IPCEF1: variants seen among roughly 807,000 people sequenced by gnomAD.
IPCEF1 encodes the protein interaction protein for cytohesin exchange factors 1.
In IPCEF1, 31 loss-of-function variants were observed where a neutral mutation model predicts 50.9. The observed-to-expected ratio is 0.61, with a 90% CI of 0.46 to 0.82. The LOEUF (loss-of-function observed/expected upper bound fraction) is 0.82. IPCEF1 is among the 40% of genes least tolerant of loss of function. The pLI is 0.00. For synonymous variants in IPCEF1, 181 were observed against 192.0 expected (o/e 0.94, Z 0.47); for missense variants, 458 against 514.0 (o/e 0.89, Z 1.05).
At chr6:154,325,832 C>A (rs1198257832) in intron 1 of IPCEF1, among the ~76,000 whole-genome samples, 1 of 152,094 alleles carries the variant, frequency 6.6e-6, no homozygotes, top group Non-Finnish European at 1.5e-5. Flanking sequence ...TTAGAACAGA[C>A]ACAATAATTG....
At position 154,313,067 on chromosome 6, in the gene IPCEF1, C is replaced by CAAAAAAAAAAAAAAAAAA. The variant is rs71021040; in HGVS notation, c.-61-23329_-61-23312dup. Among the ~76,000 whole-genome samples the CAAAAAAAAAAAAAAAAAA allele has an allele frequency of 6.1e-4, 36 of 59,036 alleles. 6 individuals are homozygous for CAAAAAAAAAAAAAAAAAA. The highest frequency in any genetic ancestry group is 3.1e-3 in the African/African-American group (30 of 9,544). 38.7% of individuals were successfully genotyped at this position (59,036 alleles called of 152,430 possible). A position where few individuals can be genotyped will look rare whatever the true frequency, so the allele number is the denominator to read the frequency against. ...CACTGCAGGCTGTGAGGCCCTGTCT[C>CAAAAAAAAAAAAAAAAAA]AAAAAAAAAAAAAAAAAAACATGGC... is the stretch of plus-strand genomic sequence containing the variant. On this transcript the variant is annotated intron_variant, in intron 1 of 11. Transcript: ENST00000367220.
At chr6:154,232,789 T>C (rs1055755903) in intron 5 of IPCEF1, among the ~76,000 whole-genome samples, 1 of 152,118 alleles carries the variant, frequency 6.6e-6, no homozygotes, top group African/African-American at 2.4e-5. Context: ...TATAACCAGC[T>C]TCTCCAGACT....
intron 10 of IPCEF1, among the ~76,000 whole-genome samples, chr6:154,193,676 C>T (rs1046459528): frequency 6.6e-6 from 1 of 152,206 alleles, no homozygotes; most frequent in Non-Finnish European, 1.5e-5. Flanking sequence ...CCTCTGATAA[C>T]TTTCCAACCC....
intron 9 of IPCEF1, among the ~76,000 whole-genome samples, chr6:154,202,533 T>C (rs927956707): frequency 6.6e-6 from 1 of 152,226 alleles, no homozygotes; most frequent in African/African-American, 2.4e-5. Context: ...TTCTATGTGA[T>C]CAACTTCCTT....
At chr6:154,251,595 C>A (rs1356023454) in intron 3 of IPCEF1, among the ~76,000 whole-genome samples, 1 of 152,132 alleles carries the variant, frequency 6.6e-6, no homozygotes, top group Non-Finnish European at 1.5e-5. Flanking sequence ...TGCCCAAAGT[C>A]ACCAAAGTAA....
At chr6:154,173,297 A>T (rs1407982159) in intron 10 of IPCEF1, among the ~76,000 whole-genome samples, 4 of 152,200 alleles carry the variant, frequency 2.6e-5, no homozygotes, top group African/African-American at 9.7e-5. Flanking sequence ...CAGCAAGGGA[A>T]CAAAACTGGA....
At chr6:154,283,291 C>CAA (rs35691566) in intron 2 of IPCEF1, among the ~76,000 whole-genome samples, 3,520 of 66,288 alleles carry the variant, frequency 0.053, 172 homozygotes, top group East Asian at 0.18. Context: ...AACTCCATCT[C>CAA]AAAAAAAAAA....
At chr6:154,247,540 A>T in intron 3 of IPCEF1, 52 bp from the exon 4 acceptor site, 1 of 1,526,552 alleles carries the variant, frequency 6.6e-7, no homozygotes, top group Non-Finnish European at 9.1e-7. Flanking sequence ...GTGTTGTAAC[A>T]TTTGTAAAGA....
At chr6:154,324,282 A>T (rs577089636) in intron 1 of IPCEF1, among the ~76,000 whole-genome samples, 2 of 152,294 alleles carry the variant, frequency 1.3e-5, no homozygotes, top group African/African-American at 2.4e-5. Context: ...AAATAAAATC[A>T]TGGCCAGTTA....
chr6:154,246,325 A>G (rs1445680452), intron 5 of IPCEF1, among the ~76,000 whole-genome samples: 1 of 152,148 alleles, frequency 6.6e-6, no homozygotes, highest in Non-Finnish European at 1.5e-5. Flanking sequence ...ACAGAACTTA[A>G]AAGTCTCCTT....
At chr6:154,310,114 T>G (rs1252496266) in intron 1 of IPCEF1, among the ~76,000 whole-genome samples, 1 of 152,136 alleles carries the variant, frequency 6.6e-6, no homozygotes, top group Non-Finnish European at 1.5e-5. Flanking sequence ...GTAAAAGAAG[T>G]CTGTTCCTAC....
At chr6:154,263,661 G>C (rs1370186251) in intron 3 of IPCEF1, among the ~76,000 whole-genome samples, 1 of 88,484 alleles carries the variant, frequency 1.1e-5, no homozygotes, top group African/African-American at 4.8e-5. Context: ...ACACAGACAC[G>C]GCAACCATCC....
At chr6:154,332,231 A>C (rs1783688660) in intron 1 of IPCEF1, among the ~76,000 whole-genome samples, 1 of 151,216 alleles carries the variant, frequency 6.6e-6, no homozygotes, top group African/African-American at 2.4e-5. Flanking sequence ...ATATTTTTAT[A>C]CTTCTCTCCT....
chr6:154,253,237 T>C (rs1486033533), intron 3 of IPCEF1, among the ~76,000 whole-genome samples: 4 of 152,152 alleles, frequency 2.6e-5, no homozygotes, highest in Non-Finnish European at 5.9e-5. Flanking sequence ...AGGGTCTCGC[T>C]CTGTTTCCCA....
At chr6:154,275,345 A>G (rs1162150065) in intron 2 of IPCEF1, among the ~76,000 whole-genome samples, 4 of 152,218 alleles carry the variant, frequency 2.6e-5, no homozygotes, top group African/African-American at 9.7e-5. Flanking sequence ...TAGACAAGGT[A>G]TCAATTATGA....
At chr6:154,234,965 A>G (rs1463466760) in intron 5 of IPCEF1, among the ~76,000 whole-genome samples, 1 of 152,230 alleles carries the variant, frequency 6.6e-6, no homozygotes, top group Non-Finnish European at 1.5e-5. Context: ...GGAAGCTTTA[A>G]AACCCCAAAT....
intron 7 of IPCEF1, among the ~76,000 whole-genome samples, chr6:154,218,680 G>A (rs1778611537): frequency 6.6e-6 from 1 of 152,208 alleles, no homozygotes; most frequent in Non-Finnish European, 1.5e-5. Context: ...AAGTTGCATT[G>A]TTGGCTACTA....
chr6:154,168,843 TGA>T lies in IPCEF1; in HGVS notation c.911-732_911-731del, dbSNP rs1799645367. Among the ~76,000 whole-genome samples, 1 of 149,746 alleles carries T rather than the reference TGA, an allele frequency of 6.7e-6. No individual in the cohort carries two copies. ...CTGGTCTTGAACTCCTGACTTTGGG[TGA>T]TCCGCCCACCTTGGCCTCCCAAAGT... On this transcript the variant is annotated intron_variant, in intron 10 of 11. Coordinates refer to ENST00000367220, the MANE Select transcript of IPCEF1 (RefSeq NM_001130700.2). This position sits in a 1 kb window ranked among gnomAD's most constrained non-coding sequence, Gnocchi z 4.1.
At chr6:154,325,251 C>A (rs1472968046) in intron 1 of IPCEF1, among the ~76,000 whole-genome samples, 1 of 152,086 alleles carries the variant, frequency 6.6e-6, no homozygotes, top group East Asian at 1.9e-4. Context: ...GTAAACTATG[C>A]CTCCACTAGT....
Sources: gnomAD v4.1 joint callset for allele counts (sites outside exome capture counted in the v4.1 genomes callset) on GRCh38, gnomAD v4.1.1 for gene constraint, Gnocchi (gnomAD v3.1) non-coding constraint, MANE v1.5 for transcripts, NCBI Gene and HGNC (gene_info 2026-07-23, HGNC 2026-07-21) for gene names.